The following AP3S1 variants were observed in gnomAD, a reference collection of about 807,000 sequenced individuals.
AP3S1 encodes adaptor related protein complex 3 subunit sigma 1, also known as AP-3 complex subunit sigma-1.
A neutral mutation model predicts 21.3 loss-of-function variants in AP3S1; 12 were observed. The observed-to-expected ratio is 0.56, with a 90% confidence interval of 0.36 to 0.91. The LOEUF (loss-of-function observed/expected upper bound fraction) is 0.91, where lower values mean the gene tolerates loss of function less well. Among genes scored for constraint, AP3S1 ranks in the 40% least tolerant of loss-of-function variants. AP3S1 has a pLI of 0.01. For synonymous variants in AP3S1, 48 were observed against 78.4 expected (o/e 0.61, Z 2.05); for missense variants, 116 against 225.0 (o/e 0.52, Z 3.10).
At chr5:115,907,577 C>T (rs1411926447) in intron 5 of AP3S1, among the ~76,000 whole-genome samples, 2 of 152,102 alleles carry the variant, frequency 1.3e-5, no homozygotes, top group African/African-American at 4.8e-5. Context: ...ATTACCAAAT[C>T]ACCAAAATAC....
chr5:115,900,160 G>A (rs948326007), intron 4 of AP3S1, among the ~76,000 whole-genome samples: 3 of 151,972 alleles, frequency 2.0e-5, no homozygotes, highest in Admixed American at 2.0e-4. Context: ...TAAATAAAAG[G>A]CACAGTTTAT....
chr5:115,857,612 T>C (rs1031055144), intron 1 of AP3S1, among the ~76,000 whole-genome samples: 2 of 152,230 alleles, frequency 1.3e-5, no homozygotes, highest in African/African-American at 4.8e-5. Context: ...AAATAACATT[T>C]CATTTCTCCC....
Position 115,903,007 on chromosome 5 carries a change from T to C in AP3S1, c.453+15T>C, listed in dbSNP as rs1751347118. On this transcript the variant is annotated intron_variant, in intron 5 of 5. Coordinates refer to ENST00000316788, the MANE Select transcript of AP3S1 (RefSeq NM_001284.4). ...AAAAATCTGAGGTAAGAATGGAAAA[T>C]GCTGTAGTTAAGAAGGTTCTAAGCA... 1 of 469,836 alleles carries C rather than the reference T, an allele frequency of 2.1e-6. No individual in the cohort carries two copies. The highest frequency in any genetic ancestry group is 3.2e-6 in the Non-Finnish European group (1 of 313,888). The allele number at this position is 469,836 out of a possible 1,614,324, so 29.1% of individuals were successfully genotyped here.
intron 4 of AP3S1, among the ~76,000 whole-genome samples, chr5:115,901,570 A>G (rs560501314): frequency 1.4e-5 from 2 of 146,580 alleles, no homozygotes; most frequent in East Asian, 3.9e-4. Flanking sequence ...TTTTTTTTTA[A>G]TTGAGGCAGG....
At chr5:115,859,225 C>T (rs926290750) in intron 1 of AP3S1, among the ~76,000 whole-genome samples, 1 of 152,212 alleles carries the variant, frequency 6.6e-6, no homozygotes, top group African/African-American at 2.4e-5. Flanking sequence ...GTGACTACAA[C>T]TCCCCAAATC....
chr5:115,883,212 C>T (rs555280507), intron 3 of AP3S1, among the ~76,000 whole-genome samples: 3 of 152,268 alleles, frequency 2.0e-5, no homozygotes, highest in East Asian at 3.9e-4. Context: ...GGGGAGTGAA[C>T]GGTTCTGTCT....
chr5:115,859,218 A>G (rs1455459659), intron 1 of AP3S1, among the ~76,000 whole-genome samples: 1 of 152,196 alleles, frequency 6.6e-6, no homozygotes, highest in Non-Finnish European at 1.5e-5. Flanking sequence ...TGGAATTGTG[A>G]CTACAACTCC....
At chr5:115,868,488 A>T (rs1459462496) in intron 2 of AP3S1, among the ~76,000 whole-genome samples, 2 of 151,838 alleles carry the variant, frequency 1.3e-5, no homozygotes, top group Admixed American at 1.3e-4. Flanking sequence ...CTTGTCAAAG[A>T]TCATTTCTCC....
chr5:115,852,445 A>T (rs570711993), intron 1 of AP3S1, among the ~76,000 whole-genome samples: 2 of 147,572 alleles, frequency 1.4e-5, no homozygotes, highest in Non-Finnish European at 2.9e-5. Context: ...CTAACCTTTT[A>T]AAAAAAATCT....
intron 5 of AP3S1, 118 bp downstream of exon 5, chr5:115,903,110 T>C: frequency 1.4e-6 from 1 of 722,308 alleles, no homozygotes; most frequent in Non-Finnish European, 2.3e-6. Flanking sequence ...CCGTTATGCT[T>C]ATTCAGTTTT....
At chr5:115,878,494 G>A (rs1036466231) in intron 3 of AP3S1, among the ~76,000 whole-genome samples, 16 of 152,086 alleles carry the variant, frequency 1.1e-4, no homozygotes, top group Non-Finnish European at 1.5e-5. Flanking sequence ...TTTACCAAAG[G>A]TCAGATGGTT....
At chr5:115,842,142 G>C (rs1232313471) in intron 1 of AP3S1, 36 bp downstream of exon 1, 2 of 1,528,794 alleles carry the variant, frequency 1.3e-6, no homozygotes, top group Non-Finnish European at 1.8e-6. Context: ...GGGCGAGGGG[G>C]AGTCGTTGGC....
At chr5:115,859,256 A>G (rs913617674) in intron 1 of AP3S1, among the ~76,000 whole-genome samples, 1 of 152,206 alleles carries the variant, frequency 6.6e-6, no homozygotes, top group Non-Finnish European at 1.5e-5. Flanking sequence ...AACGTAATAC[A>G]AGTTTGTTTC....
At chr5:115,902,443 A>G (rs996288527) in intron 4 of AP3S1, among the ~76,000 whole-genome samples, 4 of 152,194 alleles carry the variant, frequency 2.6e-5, no homozygotes, top group Admixed American at 6.5e-5. Context: ...GTACTGTACT[A>G]CATTGCTTCA....
intron 3 of AP3S1, among the ~76,000 whole-genome samples, chr5:115,875,531 A>T (rs1157267371): frequency 6.6e-6 from 1 of 152,176 alleles, no homozygotes; most frequent in Non-Finnish European, 1.5e-5. Context: ...TTGCCTAGGA[A>T]AACCGACTGT....
At chr5:115,872,778 T>C (rs1327937231) in intron 3 of AP3S1, among the ~76,000 whole-genome samples, 1 of 152,184 alleles carries the variant, frequency 6.6e-6, no homozygotes, top group Non-Finnish European at 1.5e-5. Flanking sequence ...CCTTGTAACT[T>C]TGTTTATTCT....
At chr5:115,842,699 A>C (rs1761713883) in intron 1 of AP3S1, 1 of 152,226 alleles carries the variant, frequency 6.6e-6, no homozygotes, top group Non-Finnish European at 1.5e-5. Flanking sequence ...TCTCTTCTGC[A>C]TGTTTCGATA....
At chr5:115,906,448 A>C (rs543810830) in intron 5 of AP3S1, among the ~76,000 whole-genome samples, 2 of 152,310 alleles carry the variant, frequency 1.3e-5, no homozygotes, top group East Asian at 3.9e-4. Context: ...GACAGGTGGA[A>C]GCAAAGCTCT....
At chr5:115,898,752 C>G (rs1750970084) in intron 4 of AP3S1, 1 of 152,216 alleles carries the variant, frequency 6.6e-6, no homozygotes, top group African/African-American at 2.4e-5. Flanking sequence ...AGACACACAT[C>G]AAAAATGGAG....
Sources: allele counts gnomAD v4.1 joint callset (sites outside exome capture counted in the v4.1 genomes callset), GRCh38; gene constraint gnomAD v4.1.1; transcripts MANE v1.5; gene names NCBI Gene and HGNC (gene_info 2026-07-23, HGNC 2026-07-21).